PLA2G6: variants seen among roughly 807,000 people sequenced by gnomAD.
PLA2G6 encodes the protein 85/88 kDa calcium-independent phospholipase A2.
PLA2G6 carries 62 observed loss-of-function variants against 83.8 expected under a neutral mutation model. The observed-to-expected ratio is 0.74, with a 90% CI of 0.60 to 0.91. The LOEUF is 0.91. Ranked by LOEUF, PLA2G6 falls within the 40% of genes least tolerant of loss-of-function variation. PLA2G6 has a pLI of 0.00. For synonymous variants in PLA2G6, 417 were observed against 449.8 expected (o/e 0.93, Z 0.92); for missense variants, 944 against 1,102.0 (o/e 0.86, Z 2.03).
chr22:38,155,083 C>T (rs956960668), intron 2 of PLA2G6, among the ~76,000 whole-genome samples: 1 of 152,026 alleles, frequency 6.6e-6, no homozygotes, highest in African/African-American at 2.4e-5. Flanking sequence ...AAAAATTAGC[C>T]AGGCGTGGTG....
At chr22:38,117,674 C>T (rs2087287356) in intron 12 of PLA2G6, among the ~76,000 whole-genome samples, 1 of 152,044 alleles carries the variant, frequency 6.6e-6, no homozygotes, top group Non-Finnish European at 1.5e-5. Flanking sequence ...ATCCAACAGA[C>T]AATGGAGTTT....
chr22:38,113,925 C>A, intron 14 of PLA2G6: 1 of 554,862 alleles, frequency 1.8e-6, no homozygotes, highest in South Asian at 1.7e-5. Flanking sequence ...AGAAGGATCC[C>A]GCCCACCCCA....
intron 1 of PLA2G6, among the ~76,000 whole-genome samples, chr22:38,178,198 T>C (rs1166457414): frequency 2.0e-5 from 3 of 152,154 alleles, no homozygotes; most frequent in Non-Finnish European, 4.4e-5. Context: ...GTGTGGCCCA[T>C]GTTATGACTC....
intron 2 of PLA2G6, among the ~76,000 whole-genome samples, chr22:38,158,534 ATCTT>A (rs950020101): frequency 1.3e-5 from 2 of 152,238 alleles, no homozygotes; most frequent in African/African-American, 4.8e-5. Context: ...ATTTACATAT[ATCTT>A]GCTTAAAATT....
chr22:38,163,044 CA>C (rs1461573449), intron 2 of PLA2G6, among the ~76,000 whole-genome samples: 1 of 152,136 alleles, frequency 6.6e-6, no homozygotes, highest in Admixed American at 6.5e-5. Context: ...GGCTAAGCCT[CA>C]GGGGACCTGC....
intron 2 of PLA2G6, among the ~76,000 whole-genome samples, chr22:38,155,899 A>G (rs1482595971): frequency 6.6e-6 from 1 of 152,222 alleles, no homozygotes; most frequent in Non-Finnish European, 1.5e-5. Flanking sequence ...ACGGATAGAA[A>G]AACAAGACCC....
chr22:38,142,942 G>T (rs1326166502), intron 4 of PLA2G6, 163 bp downstream of exon 4: 3 of 756,738 alleles, frequency 4.0e-6, no homozygotes, highest in African/African-American at 1.7e-5. Flanking sequence ...TGGGAGGGAA[G>T]AGCCAGGGAG....
At position 38,177,755 on chromosome 22, in the gene PLA2G6, C is replaced by G. The variant is rs535695400; in HGVS notation, c.-46+3909G>C. Among the ~76,000 whole-genome samples the G allele has an allele frequency of 2.2e-3, 331 of 152,230 alleles. 5 individuals carry two copies. Among genetic ancestry groups the G allele is most frequent in the African/African-American group, 7.7e-3 (321 of 41,530 alleles). ...CTGGGGTTACAGGCATGAGCCACTGCGCCCGGCCGAATTGCCACATTTAAC... is the reference window on the plus strand; with the variant it reads ...CTGGGGTTACAGGCATGAGCCACTGGGCCCGGCCGAATTGCCACATTTAAC... On this transcript the variant is annotated intron_variant, in intron 1 of 16. Coordinates refer to ENST00000332509, the MANE Select transcript of PLA2G6 (RefSeq NM_003560.4).
At chr22:38,144,032 C>T in intron 3 of PLA2G6, 1 of 164,796 alleles carries the variant, frequency 6.1e-6, no homozygotes, top group Non-Finnish European at 1.3e-5. Context: ...GTGTGAGCCA[C>T]CACGCCCGGC....
Position 38,132,864 on chromosome 22 carries a change from C to T in PLA2G6, c.1044G>A (p.Glu348=), listed in dbSNP as rs1268806702. Residue 348 remains glutamate, a synonymous_variant, in exon 7 of 17, where the codon GAG becomes GAA. Transcript: ENST00000332509. The surrounding 1 kb of genome is among the most constrained non-coding windows in gnomAD (Gnocchi z 5.0). ...THGANADARG[E]HGNTPLHLAM... The stretch of plus-strand genomic sequence containing the variant: ...CCAGGTGCAGCGGGGTGTTGCCGTG[C>T]TCTCCGCGGGCATCCGCGTTGGCCC... 6.4e-7 allele frequency: 1 copy of T among 1,551,938 alleles called. No homozygotes were observed. Among genetic ancestry groups the T allele is most frequent in the East Asian group, 2.4e-5 (1 of 41,120 alleles).
At position 38,143,208 on chromosome 22, in the gene PLA2G6, A is replaced by T; in HGVS notation, c.506T>A (p.Val169Glu). The T allele has an allele frequency of 6.2e-7, 1 of 1,614,148 alleles. No individual in the cohort carries two copies. The highest frequency in any genetic ancestry group is 8.5e-7 in the Non-Finnish European group (1 of 1,180,012). The change falls in exon 4 of 17, where the codon GTG (valine) becomes GAG (glutamate). Residue 169 changes from valine (V) to glutamate (E), a missense_variant. By Grantham distance (121) the Val-to-Glu change is moderately radical (BLOSUM62 -2). Coordinates refer to ENST00000332509, the MANE Select transcript of PLA2G6 (RefSeq NM_003560.4). ...AGTGTGGCAGTACTGCACCAGCTCC[A>T]CCAGGATCTCCCCATCACCCTTGCG... ...ACRKGDGEIL[V>E]ELVQYCHTQM...
rs181399639 is a variant in PLA2G6, at chr22:38,120,282, A to G, written c.1742+477T>C. Among the ~76,000 whole-genome samples the G allele has an allele frequency of 2.6e-3, 400 of 152,370 alleles. 2 individuals carry two copies. The highest frequency in any genetic ancestry group is 8.9e-3 in the African/African-American group (372 of 41,584). ...AAGGTAAGACTGAAGCCCTCTGATT[A>G]TAACCTAGTAGTCCGATCCTGGGAG... On this transcript the variant is annotated intron_variant, in intron 12 of 16. Coordinates refer to ENST00000332509, the MANE Select transcript of PLA2G6 (RefSeq NM_003560.4).
intron 2 of PLA2G6, among the ~76,000 whole-genome samples, chr22:38,161,161 C>T (rs192288607): frequency 6.6e-6 from 1 of 152,064 alleles, no homozygotes; most frequent in East Asian, 1.9e-4. Flanking sequence ...CATTGTATAG[C>T]GATGGAAAAT....
intron 2 of PLA2G6, among the ~76,000 whole-genome samples, chr22:38,159,121 G>C (rs1208838141): frequency 1.3e-5 from 2 of 152,078 alleles, no homozygotes; most frequent in South Asian, 2.1e-4. Context: ...AAAGCCAAAA[G>C]TTGGTTCTTT....
At chr22:38,161,490 G>A (rs2090009428) in intron 2 of PLA2G6, among the ~76,000 whole-genome samples, 1 of 152,094 alleles carries the variant, frequency 6.6e-6, no homozygotes, top group African/African-American at 2.4e-5. Context: ...TTCAACATAT[G>A]ATTTCGGGGG....
intron 13 of PLA2G6, 71 bp downstream of exon 13, chr22:38,116,004 G>C: frequency 6.4e-7 from 1 of 1,570,282 alleles, no homozygotes; most frequent in Non-Finnish European, 8.7e-7. Context: ...GCAAGTGCAC[G>C]ACTCCCACCC....
chr22:38,172,868 G>C (rs1440043938), intron 1 of PLA2G6, among the ~76,000 whole-genome samples: 2 of 152,198 alleles, frequency 1.3e-5, no homozygotes, highest in African/African-American at 2.4e-5. Context: ...GCTAGGGGAT[G>C]CCCCCCACAC....
chr22:38,121,594 G>C (rs981453706), intron 11 of PLA2G6, among the ~76,000 whole-genome samples: 4 of 152,206 alleles, frequency 2.6e-5, no homozygotes, highest in African/African-American at 4.8e-5. Flanking sequence ...TCCCCCGTGA[G>C]GCAGTGAGTT....
chr22:38,143,075 A>G (rs759872636), intron 4 of PLA2G6, 30 bp downstream of exon 4: 1 of 1,605,192 alleles, frequency 6.2e-7, no homozygotes, highest in Non-Finnish European at 8.5e-7. Flanking sequence ...AGGTATCAGT[A>G]CCAGTCACCC....
Sources: gnomAD v4.1 joint callset for allele counts (sites outside exome capture counted in the v4.1 genomes callset) on GRCh38, gnomAD v4.1.1 for gene constraint, Gnocchi (gnomAD v3.1) non-coding constraint, MANE v1.5 for transcripts, NCBI Gene and HGNC (gene_info 2026-07-23, HGNC 2026-07-21) for gene names.